Variants in TNR observed in about 807,000 individuals in gnomAD.
TNR encodes the protein tenascin-R.
In TNR, 45 loss-of-function variants were observed where a neutral mutation model predicts 150.4. That is an observed-to-expected ratio of 0.30 (90% CI 0.24 to 0.38). The LOEUF (loss-of-function observed/expected upper bound fraction) is 0.38. Among genes scored for constraint, TNR ranks in the 10% least tolerant of loss-of-function variants. The pLI, the probability that TNR is intolerant of heterozygous loss-of-function variation, is 1.00. For missense variants in TNR, 1,544 were observed against 1,759.1 expected (o/e 0.88, Z 2.19); for synonymous variants, 687 against 678.4 (o/e 1.01, Z -0.20).
intron 9 of TNR, among the ~76,000 whole-genome samples, chr1:175,378,962 C>G (rs778177912): frequency 5.3e-5 from 8 of 152,184 alleles, no homozygotes; most frequent in Non-Finnish European, 8.8e-5. Flanking sequence ...GGCGGATCAC[C>G]TGAGGTCGGG....
intron 1 of TNR, among the ~76,000 whole-genome samples, chr1:175,553,817 AACACAC>A (rs58714689): frequency 1.4e-5 from 2 of 145,390 alleles, no homozygotes; most frequent in African/African-American, 2.6e-5. Flanking sequence ...TACAAGAACA[AACACAC>A]ACACACACAC....
At chr1:175,460,911 A>G (rs1656785686) in intron 2 of TNR, among the ~76,000 whole-genome samples, 1 of 152,214 alleles carries the variant, frequency 6.6e-6, no homozygotes, top group East Asian at 1.9e-4. Flanking sequence ...ACACACATGT[A>G]CATGCTCATA....
chr1:175,406,093 G>T, intron 3 of TNR, 123 bp downstream of exon 3: 2 of 1,317,832 alleles, frequency 1.5e-6, no homozygotes, highest in Non-Finnish European at 2.1e-6. Context: ...GTGAAGAGAT[G>T]CCGGGGTTTT....
At chr1:175,399,993 T>C (rs965265446) in intron 4 of TNR, among the ~76,000 whole-genome samples, 1 of 152,232 alleles carries the variant, frequency 6.6e-6, no homozygotes, top group African/African-American at 2.4e-5. Context: ...CAGGTCTGAC[T>C]GAAGTCCAGG....
At position 175,560,227 on chromosome 1, in the gene TNR, A is replaced by C. The variant is rs368429528; in HGVS notation, c.-164-31858T>G. Among the ~76,000 whole-genome samples the C allele has an allele frequency of 2.7e-3, 416 of 152,338 alleles. 4 individuals are homozygous for C. Among genetic ancestry groups the C allele is most frequent in the South Asian group, 6.8e-3 (33 of 4,828 alleles). Reference sequence around the variant, plus strand: ...CCTTGTTAGTTTTAGCCAGTCCCATAGTCTGTAGATATATTTTGAGTCCTA... The same window carrying C: ...CCTTGTTAGTTTTAGCCAGTCCCATCGTCTGTAGATATATTTTGAGTCCTA... On this transcript the variant is annotated intron_variant, in intron 1 of 22. Coordinates refer to ENST00000367674, the MANE Select transcript of TNR (RefSeq NM_003285.3).
chr1:175,742,241 T>TAAAAAAAAAAAA (rs1667950912), intron 1 of TNR, among the ~76,000 whole-genome samples: 1 of 152,194 alleles, frequency 6.6e-6, no homozygotes, highest in African/African-American at 2.4e-5. Flanking sequence ...GAAGTAATAA[T>TAAAAAAAAAAAA]GAGCTCCTGT....
intron 1 of TNR, among the ~76,000 whole-genome samples, chr1:175,630,378 G>A (rs1664289310): frequency 6.6e-6 from 1 of 152,172 alleles, no homozygotes. Context: ...TCTATCAGTA[G>A]CAAATCACAA....
At chr1:175,471,250 C>A (rs1301734999) in intron 2 of TNR, among the ~76,000 whole-genome samples, 2 of 152,184 alleles carry the variant, frequency 1.3e-5, no homozygotes, top group Non-Finnish European at 2.9e-5. Context: ...TTGTAAAAAT[C>A]TTTATTTGGG....
Position 175,319,269 on chromosome 1 carries a change from T to C in TNR, c.*4088A>G, listed in dbSNP as rs1206771689. On this transcript the variant is annotated 3_prime_UTR_variant, in exon 23 of 23. Coordinates refer to ENST00000367674, the MANE Select transcript of TNR (RefSeq NM_003285.3). ...ACCAGCTAGTCTATTTCAACACCCA[T>C]AGCTTGGTGTATCTAGTGTTCTTGC... 1 of 152,240 alleles carries C rather than the reference T, an allele frequency of 6.6e-6. No homozygotes were observed. The highest frequency in any genetic ancestry group is 1.5e-5 in the Non-Finnish European group (1 of 68,034). The allele number at this position is 152,240 out of a possible 1,614,324, so 9.4% of individuals were successfully genotyped here. A position where few individuals can be genotyped will look rare whatever the true frequency, so the allele number is the denominator to read the frequency against.
chr1:175,636,224 AC>A (rs776005917), intron 1 of TNR, among the ~76,000 whole-genome samples: 1 of 152,130 alleles, frequency 6.6e-6, no homozygotes, highest in Non-Finnish European at 1.5e-5. Flanking sequence ...ATTAACTACT[AC>A]CTCCTCTGTC....
intron 1 of TNR, among the ~76,000 whole-genome samples, chr1:175,560,301 C>T (rs1024880389): frequency 6.6e-6 from 1 of 152,212 alleles, no homozygotes; most frequent in Non-Finnish European, 1.5e-5. Context: ...TCTGCATCTT[C>T]ATCTAAATCC....
chr1:175,335,843 C>A (rs925566733), intron 19 of TNR, 36 bp from the exon 20 acceptor site: 3 of 1,570,174 alleles, frequency 1.9e-6, no homozygotes, highest in Non-Finnish European at 1.7e-6. Flanking sequence ...AACAAACAAA[C>A]AAAAAAACAA....
intron 2 of TNR, among the ~76,000 whole-genome samples, chr1:175,477,593 C>T (rs1657600123): frequency 6.6e-6 from 1 of 152,144 alleles, no homozygotes; most frequent in Admixed American, 6.6e-5. Flanking sequence ...TGAAAATGGA[C>T]AAGCCCACCA....
In TNR at chr1:175,426,854, AATATATATAAAATATATT is replaced by A. The variant is rs1480902136; in HGVS notation, c.-63-20095_-63-20078del. Among the ~76,000 whole-genome samples, 5 of 60,454 alleles carry A rather than the reference AATATATATAAAATATATT, an allele frequency of 8.3e-5. No individual in the cohort carries two copies. The East Asian group carries it at 3.4e-3, about 41-fold the overall frequency. 39.7% of individuals were successfully genotyped at this position (60,454 alleles called of 152,430 possible). A position where few individuals can be genotyped will look rare whatever the true frequency, so the allele number is the denominator to read the frequency against. ...AAATATATTATATATATAAAATATA[AATATATATAAAATATATT>A]ATATATATAAAATATAAATATATAT... On this transcript the variant is annotated intron_variant, in intron 2 of 22. Transcript: ENST00000367674.
intron 2 of TNR, among the ~76,000 whole-genome samples, chr1:175,417,055 G>GAAAGAAAGAAAGAAAGAAAGAA (rs1557920255): frequency 5.7e-4 from 59 of 103,810 alleles, no homozygotes; most frequent in African/African-American, 1.9e-3. Flanking sequence ...AAGAAAGAAA[G>GAAAGAAAGAAAGAAAGAAAGAA]AAAGAAAGAA....
intron 1 of TNR, among the ~76,000 whole-genome samples, chr1:175,582,247 A>G (rs1341004180): frequency 6.6e-6 from 1 of 152,176 alleles, no homozygotes; most frequent in Admixed American, 6.5e-5. Flanking sequence ...CAAGACTTAG[A>G]GTATTGTTTT....
At chr1:175,469,639 G>T (rs1182247516) in intron 2 of TNR, among the ~76,000 whole-genome samples, 1 of 151,910 alleles carries the variant, frequency 6.6e-6, no homozygotes, top group African/African-American at 2.4e-5. Context: ...CTAGAGGGAC[G>T]GGGAGGAGGA....
rs369872482 is a variant in TNR, at chr1:175,477,347, T to C, written c.-64+50922A>G. ...TAGAATATTTTTGCTGATGAAATTT[T>C]CTGGGTTGTAACATTTATCTTTTTG... On this transcript the variant is annotated intron_variant, in intron 2 of 22. Coordinates refer to ENST00000367674, the MANE Select transcript of TNR (RefSeq NM_003285.3). Among the ~76,000 whole-genome samples, 16 of 152,198 alleles carry C rather than the reference T, an allele frequency of 1.1e-4. 1 individual carries two copies. Among genetic ancestry groups the C allele is most frequent in the Admixed American group, 6.5e-4 (10 of 15,270 alleles).
At chr1:175,610,737 C>T (rs750306466) in intron 1 of TNR, among the ~76,000 whole-genome samples, 3 of 152,198 alleles carry the variant, frequency 2.0e-5, no homozygotes, top group Non-Finnish European at 4.4e-5. Context: ...TTTTATCCCT[C>T]GCAACCATTC....
Sources: allele counts gnomAD v4.1 joint callset (sites outside exome capture counted in the v4.1 genomes callset), GRCh38; gene constraint gnomAD v4.1.1; transcripts MANE v1.5; gene names NCBI Gene and HGNC (gene_info 2026-07-23, HGNC 2026-07-21).